The following SORL1 variants were observed in gnomAD, a reference collection of about 807,000 sequenced individuals.
SORL1 encodes sortilin related receptor 1.
SORL1 carries 127 observed loss-of-function variants against 273.7 expected under a neutral mutation model. The observed-to-expected ratio is 0.46, with a 90% CI of 0.40 to 0.54. The LOEUF is 0.54. Ranked by LOEUF, SORL1 falls within the 20% of genes least tolerant of loss-of-function variation. SORL1 has a pLI of 0.00. For missense variants in SORL1, 2,494 were observed against 2,846.1 expected, an observed-to-expected ratio of 0.88 and a Z score of 2.81; for synonymous variants, 1,031 against 1,067.4, an observed-to-expected ratio of 0.97 and a Z score of 0.66.
intron 11 of SORL1, among the ~76,000 whole-genome samples, chr11:121,526,410 T>C (rs1172457883): frequency 6.6e-6 from 1 of 152,230 alleles, no homozygotes; most frequent in Non-Finnish European, 1.5e-5. Flanking sequence ...TCCTTCAACT[T>C]TGATTATTTT....
At chr11:121,609,221 T>G (rs993210024) in intron 38 of SORL1, 1 of 152,202 alleles carries the variant, frequency 6.6e-6, no homozygotes, top group Non-Finnish European at 1.5e-5. Flanking sequence ...CTGTGAGGAA[T>G]AGGCTCTGGG....
chr11:121,506,062 T>C (rs1290473250), intron 6 of SORL1, among the ~76,000 whole-genome samples: 1 of 152,224 alleles, frequency 6.6e-6, no homozygotes, highest in East Asian at 1.9e-4. Flanking sequence ...CTTTAAGTAT[T>C]ATCATCTTGA....
At chr11:121,485,251 G>A (rs1183502606) in intron 3 of SORL1, among the ~76,000 whole-genome samples, 2 of 152,168 alleles carry the variant, frequency 1.3e-5, no homozygotes, top group African/African-American at 4.8e-5. Flanking sequence ...CTGTGGATTA[G>A]GAGAGAAGGC....
In SORL1 at chr11:121,604,202, G is replaced by A. The variant is rs375073678; in HGVS notation, c.4529G>A (p.Ser1510Asn). Residue 1510 changes from serine to asparagine, a missense_variant, in exon 33 of 48, where the codon AGC (serine) becomes AAC (asparagine). By Grantham distance (46) the Ser-to-Asn change is conservative (BLOSUM62 1). This residue lies in a region of SORL1 where 1,609 missense variants were observed against 1,816.4 expected (regional missense o/e 0.89). Transcript: ENST00000260197. Reference sequence around the variant, plus strand: ...CCTCTCTGTGTTTCAGCCACACACAGCACCTTGACTTGCATGAGCAGGGAG... The same window carrying A: ...CCTCTCTGTGTTTCAGCCACACACAACACCTTGACTTGCATGAGCAGGGAG... ...GRDEANCPTH[S>N]TLTCMSREFQ... The A allele has an allele frequency of 1.9e-6, 3 of 1,613,978 alleles. No homozygotes were observed. In the African/African-American group the frequency reaches 4.0e-5, roughly 22 times the overall value.
chr11:121,523,916 T>C (rs1862081030), intron 11 of SORL1, among the ~76,000 whole-genome samples: 1 of 152,150 alleles, frequency 6.6e-6, no homozygotes, highest in South Asian at 2.1e-4. Flanking sequence ...TTTGAATAGG[T>C]AATATGTAAA....
At chr11:121,577,915 A>G (rs901341488) in intron 25 of SORL1, among the ~76,000 whole-genome samples, 2 of 152,174 alleles carry the variant, frequency 1.3e-5, no homozygotes, top group African/African-American at 4.8e-5. Flanking sequence ...GCTTATGTTC[A>G]TTACATTATT....
chr11:121,624,353 G>A (rs1420639282), intron 45 of SORL1, among the ~76,000 whole-genome samples: 8 of 152,296 alleles, frequency 5.3e-5, no homozygotes, highest in Non-Finnish European at 1.0e-4. Flanking sequence ...GGAATAGTTG[G>A]GGATCAGCAG....
chr11:121,549,481 C>A (rs1862476990), intron 14 of SORL1, among the ~76,000 whole-genome samples: 1 of 152,168 alleles, frequency 6.6e-6, no homozygotes, highest in Non-Finnish European at 1.5e-5. Context: ...TCTGCCTTGG[C>A]CTCCCAAAGT....
At chr11:121,539,477 A>G (rs1250757991) in intron 12 of SORL1, among the ~76,000 whole-genome samples, 2 of 152,242 alleles carry the variant, frequency 1.3e-5, no homozygotes, top group African/African-American at 4.8e-5. Context: ...AAAGGATGCT[A>G]TAATCATCCT....
At chr11:121,620,562 C>T (rs1357119814) in intron 43 of SORL1, among the ~76,000 whole-genome samples, 16 of 152,194 alleles carry the variant, frequency 1.1e-4, no homozygotes. Context: ...CTCTCCACTT[C>T]CTTGTCATGA....
chr11:121,525,318 T>C (rs1862105291), intron 11 of SORL1, among the ~76,000 whole-genome samples: 1 of 152,260 alleles, frequency 6.6e-6, no homozygotes, highest in East Asian at 1.9e-4. Context: ...CCTTTGCTAG[T>C]TGTATCCCAT....
At chr11:121,503,610 C>T (rs1195051284) in intron 6 of SORL1, among the ~76,000 whole-genome samples, 3 of 152,094 alleles carry the variant, frequency 2.0e-5, no homozygotes, top group South Asian at 2.1e-4. Context: ...GCCCCAGCCT[C>T]CTGAGTAGCT....
At chr11:121,530,324 C>G (rs969016350) in intron 11 of SORL1, among the ~76,000 whole-genome samples, 1 of 151,918 alleles carries the variant, frequency 6.6e-6, no homozygotes, top group African/African-American at 2.4e-5. Context: ...TTTCCTGTAG[C>G]GAGATCTGTT....
intron 24 of SORL1, chr11:121,576,916 A>C: frequency 1.3e-6 from 2 of 1,535,630 alleles, no homozygotes; most frequent in Non-Finnish European, 1.7e-6. Flanking sequence ...CTGTTTCTTG[A>C]AAGTTCTACT....
intron 14 of SORL1, among the ~76,000 whole-genome samples, chr11:121,547,656 G>C (rs1255857194): frequency 6.6e-6 from 1 of 151,830 alleles, no homozygotes; most frequent in Non-Finnish European, 1.5e-5. Flanking sequence ...GAGATCGTGG[G>C]GTGATGACCC....
intron 32 of SORL1, among the ~76,000 whole-genome samples, chr11:121,603,069 C>G (rs1384825205): frequency 2.0e-5 from 3 of 152,236 alleles, no homozygotes; most frequent in Non-Finnish European, 2.9e-5. Context: ...TTTTAAGGAC[C>G]CATGTCATTA....
chr11:121,480,331 C>A (rs1181554701), intron 3 of SORL1, among the ~76,000 whole-genome samples: 5 of 151,970 alleles, frequency 3.3e-5, no homozygotes, highest in African/African-American at 1.2e-4. Context: ...TTGAAAAAAA[C>A]TAATCAAATA....
At position 121,629,504 on chromosome 11, in the gene SORL1, G is replaced by A; in HGVS notation, c.6586G>A (p.Asp2196Asn). The A allele has an allele frequency of 2.5e-6, 4 of 1,570,606 alleles. No individual in the cohort carries two copies. The highest frequency in any genetic ancestry group is 3.5e-6 in the Non-Finnish European group (4 of 1,140,182). The stretch of plus-strand genomic sequence containing the variant: ...GACTGTTTTGTCTCTAGGGGAAGAT[G>A]ATGAAGATGCCCCTATGATAACTGG... ...FSSGDDLGEDDEDAPMITGFS... is the reference protein window; with the variant it reads ...FSSGDDLGEDNEDAPMITGFS... The change falls in exon 48 of 48, where the codon GAT becomes AAT. Residue 2196 changes from aspartate to asparagine, a missense_variant. Physicochemically the swap from Asp to Asn is conservative, Grantham distance 23. Around this residue, in one of 3 missense-constraint regions of SORL1, gnomAD observed 1,609 missense variants for 1,816.4 expected, o/e 0.89. Coordinates refer to ENST00000260197, the MANE Select transcript of SORL1 (RefSeq NM_003105.6).
rs745551765 is a variant in SORL1, at chr11:121,559,607, A to G, written c.2999A>G (p.Gln1000Arg). ...SGSQMEILANQLTGLMDMKIF... is the reference protein window; with the variant it reads ...SGSQMEILANRLTGLMDMKIF... The stretch of plus-strand genomic sequence containing the variant: ...TCCCAGATGGAGATTCTGGCAAACC[A>G]GCTCACGGGGCTCATGGACATGAAG... Residue 1000 changes from glutamine (Q) to arginine (R), a missense_variant, in exon 21 of 48, where the codon CAG becomes CGG. Gln to Arg is a conservative substitution (Grantham distance 43, BLOSUM62 1). This residue lies in a region of SORL1 where 1,609 missense variants were observed against 1,816.4 expected (regional missense o/e 0.89). Coordinates refer to ENST00000260197, the MANE Select transcript of SORL1 (RefSeq NM_003105.6). The G allele has an allele frequency of 6.2e-7, 1 of 1,614,208 alleles. No homozygotes were observed. Among genetic ancestry groups the G allele is most frequent in the African/African-American group, 1.3e-5 (1 of 75,052 alleles).
Sources: allele counts gnomAD v4.1 joint callset (sites outside exome capture counted in the v4.1 genomes callset), GRCh38; gene constraint gnomAD v4.1.1; regional missense constraint gnomAD v4.1.1; transcripts MANE v1.5; gene names NCBI Gene and HGNC (gene_info 2026-07-23, HGNC 2026-07-21).